LRRTM4: variants seen among roughly 807,000 people sequenced by gnomAD.
LRRTM4 encodes leucine rich repeat transmembrane neuronal 4.
A neutral mutation model predicts 47.6 loss-of-function variants in LRRTM4; 25 were observed. That is an observed-to-expected ratio of 0.53 (90% CI 0.38 to 0.73). The LOEUF (loss-of-function observed/expected upper bound fraction) is 0.73, where lower values mean the gene tolerates loss of function less well. Among genes scored for constraint, LRRTM4 ranks in the 30% least tolerant of loss-of-function variants. LRRTM4 has a pLI of 0.00. For missense variants in LRRTM4, 638 were observed against 713.4 expected (o/e 0.89, Z 1.20); for synonymous variants, 311 against 269.5 (o/e 1.15, Z -1.51).
chr2:77,090,162 A>G (rs1170640340), intron 3 of LRRTM4, among the ~76,000 whole-genome samples: 1 of 152,070 alleles, frequency 6.6e-6, no homozygotes, highest in East Asian at 1.9e-4. Context: ...TCTGGCTTAC[A>G]GTTTCGTTCC....
chr2:76,965,075 A>G (rs933039038), intron 3 of LRRTM4, among the ~76,000 whole-genome samples: 1 of 151,124 alleles, frequency 6.6e-6, no homozygotes, highest in African/African-American at 2.4e-5. Context: ...AAAATGAAGC[A>G]TCTGGTCCAG....
chr2:76,883,781 A>G (rs756066059), intron 3 of LRRTM4, among the ~76,000 whole-genome samples: 1 of 152,192 alleles, frequency 6.6e-6, no homozygotes, highest in Non-Finnish European at 1.5e-5. Flanking sequence ...AAAATAGAGC[A>G]CTGCAGACAA....
chr2:76,784,998 A>G (rs1041198162), intron 3 of LRRTM4, among the ~76,000 whole-genome samples: 8 of 152,022 alleles, frequency 5.3e-5, no homozygotes, highest in Admixed American at 1.3e-4. Flanking sequence ...CATTTTATCC[A>G]AATTTCATAT....
chr2:77,318,135 T>C (rs1452283390), intron 3 of LRRTM4, among the ~76,000 whole-genome samples: 2 of 150,948 alleles, frequency 1.3e-5, no homozygotes, highest in African/African-American at 2.4e-5. Context: ...GCCTCCCGAG[T>C]AGCTGGGACT....
At position 76,799,411 on chromosome 2, in the gene LRRTM4, C is replaced by A. The variant is rs1405336387; in HGVS notation, c.1552-50495G>T. On this transcript the variant is annotated intron_variant, in intron 3 of 3. Coordinates refer to ENST00000409884, the MANE Select transcript of LRRTM4 (RefSeq NM_001134745.3). The stretch of plus-strand genomic sequence containing the variant: ...TGACAAAATTCAACAACCCTTCATG[C>A]TAAAAACTCTCAATAAATTAGGTAT... 8.9e-5 allele frequency among the ~76,000 whole-genome samples: 11 copies of A among 124,110 alleles called. 2 individuals carry two copies. The highest frequency in any genetic ancestry group is 2.1e-4 in the African/African-American group (6 of 29,248). 81.4% of individuals were successfully genotyped at this position (124,110 alleles called of 152,430 possible). A position where few individuals can be genotyped will look rare whatever the true frequency, so the allele number is the denominator to read the frequency against.
chr2:76,935,570 C>T (rs1674917798), intron 3 of LRRTM4, among the ~76,000 whole-genome samples: 1 of 152,048 alleles, frequency 6.6e-6, no homozygotes. Context: ...CCTTCACATC[C>T]CTTGTAAGTT....
intron 3 of LRRTM4, among the ~76,000 whole-genome samples, chr2:76,907,906 C>T (rs1673906143): frequency 6.8e-6 from 1 of 146,588 alleles, no homozygotes; most frequent in South Asian, 2.2e-4. Flanking sequence ...CTGAATTCTA[C>T]CAGAGGTACA....
intron 3 of LRRTM4, among the ~76,000 whole-genome samples, chr2:76,942,507 T>TTTTG (rs767761649): frequency 6.8e-6 from 1 of 146,726 alleles, no homozygotes; most frequent in Non-Finnish European, 1.5e-5. Flanking sequence ...TTTTTTTTTT[T>TTTTG]GCGATAAAAA....
intron 3 of LRRTM4, among the ~76,000 whole-genome samples, chr2:77,208,557 G>C (rs538805640): frequency 2.0e-5 from 3 of 152,134 alleles, no homozygotes; most frequent in South Asian, 4.1e-4. Context: ...AGGAGTTGGG[G>C]TGTCACACAT....
Position 76,881,622 on chromosome 2 carries a change from A to G in LRRTM4, c.1552-132706T>C, listed in dbSNP as rs887518472. ...TTCTCCTTGTGATACTTTTTAGGAA[A>G]AAAAACTGAACTACTTCTTTTTTTC... is the stretch of plus-strand genomic sequence containing the variant. On this transcript the variant is annotated intron_variant, in intron 3 of 3. Coordinates refer to ENST00000409884, the MANE Select transcript of LRRTM4 (RefSeq NM_001134745.3). Among the ~76,000 whole-genome samples, 3 of 152,198 alleles carry G rather than the reference A, an allele frequency of 2.0e-5. No individual in the cohort carries two copies. In the East Asian group the frequency reaches 5.8e-4, roughly 29 times the overall value.
chr2:77,512,761 T>C (rs150937549), intron 3 of LRRTM4, among the ~76,000 whole-genome samples: 22 of 152,278 alleles, frequency 1.4e-4, no homozygotes, highest in African/African-American at 5.1e-4. Context: ...GAAATTCTGG[T>C]ATCCTGTGGA....
chr2:77,466,084 A>C (rs2103982060), intron 3 of LRRTM4, among the ~76,000 whole-genome samples: 1 of 152,290 alleles, frequency 6.6e-6, no homozygotes, highest in Non-Finnish European at 1.5e-5. Context: ...TGTTTTAGAG[A>C]GAAACAACAA....
intron 3 of LRRTM4, among the ~76,000 whole-genome samples, chr2:77,502,487 A>G (rs1031064415): frequency 4.0e-5 from 6 of 151,614 alleles, no homozygotes; most frequent in African/African-American, 1.4e-4. Flanking sequence ...AAAAATTTAT[A>G]AAGAAGATTT....
At chr2:77,268,738 C>T (rs1366281674) in intron 3 of LRRTM4, among the ~76,000 whole-genome samples, 1 of 152,184 alleles carries the variant, frequency 6.6e-6, no homozygotes, top group Non-Finnish European at 1.5e-5. Flanking sequence ...AATCTGTCTT[C>T]TCCCTACCTT....
chr2:76,974,193 T>TATACATATATATATACATATATATATAC (rs1676327249), intron 3 of LRRTM4, among the ~76,000 whole-genome samples: 2 of 119,608 alleles, frequency 1.7e-5, no homozygotes, highest in African/African-American at 4.1e-5. Flanking sequence ...CATACATATA[T>TATACATATATATATACATATATATATAC]ATACATATAT....
intron 3 of LRRTM4, among the ~76,000 whole-genome samples, chr2:77,026,729 CAT>C (rs1232214329): frequency 6.6e-6 from 1 of 151,960 alleles, no homozygotes; most frequent in Non-Finnish European, 1.5e-5. Flanking sequence ...CATATACAAA[CAT>C]ATATTCACAT....
At chr2:76,826,105 TGAGC>T (rs976027064) in intron 3 of LRRTM4, among the ~76,000 whole-genome samples, 60 of 151,814 alleles carry the variant, frequency 4.0e-4, no homozygotes, top group African/African-American at 1.4e-3. Context: ...AGATTGTATA[TGAGC>T]GAGTATTTTC....
intron 3 of LRRTM4, among the ~76,000 whole-genome samples, chr2:76,994,614 C>T (rs1398293528): frequency 6.6e-6 from 1 of 151,894 alleles, no homozygotes; most frequent in African/African-American, 2.4e-5. Flanking sequence ...AATCCTGCAT[C>T]ATTCTTGACA....
intron 3 of LRRTM4, among the ~76,000 whole-genome samples, chr2:76,996,354 C>T (rs1677202999): frequency 6.6e-6 from 1 of 152,044 alleles, no homozygotes; most frequent in Admixed American, 6.6e-5. Flanking sequence ...CTGTGTCCTA[C>T]TAATGAAAAT....
Sources: allele counts gnomAD v4.1 joint callset (sites outside exome capture counted in the v4.1 genomes callset), GRCh38; gene constraint gnomAD v4.1.1; transcripts MANE v1.5; gene names NCBI Gene and HGNC (gene_info 2026-07-23, HGNC 2026-07-21).